MDGA2: variants seen among roughly 807,000 people sequenced by gnomAD.
The protein encoded by MDGA2 is MAM domain containing glycosylphosphatidylinositol anchor 2.
MDGA2 carries 40 observed loss-of-function variants against 117.8 expected under a neutral mutation model. The observed-to-expected ratio is 0.34, with a 90% CI of 0.26 to 0.44. The LOEUF is 0.44. MDGA2 is among the 20% of genes least tolerant of loss of function. MDGA2 has a pLI of 1.00. For missense variants in MDGA2, 1,123 were observed against 1,250.6 expected (o/e 0.90, Z 1.54); for synonymous variants, 452 against 439.0 (o/e 1.03, Z -0.37).
intron 2 of MDGA2, among the ~76,000 whole-genome samples, chr14:47,220,876 T>C (rs973464883): frequency 2.0e-5 from 3 of 152,184 alleles, no homozygotes; most frequent in East Asian, 3.9e-4. Flanking sequence ...AAGAGCTCAT[T>C]TGTGTGAAAT....
At chr14:47,380,881 T>C (rs1340688067) in intron 1 of MDGA2, among the ~76,000 whole-genome samples, 1 of 152,120 alleles carries the variant, frequency 6.6e-6, no homozygotes, top group African/African-American at 2.4e-5. Context: ...ATCATCCTGA[T>C]ACCAAAGCCT....
At chr14:47,330,078 A>G (rs1890250663) in intron 1 of MDGA2, among the ~76,000 whole-genome samples, 1 of 151,674 alleles carries the variant, frequency 6.6e-6, no homozygotes, top group Admixed American at 6.6e-5. Flanking sequence ...AACAATTTAA[A>G]AGGAAGAACT....
At chr14:47,225,193 AACACTTTT>A (rs1331515743) in intron 2 of MDGA2, among the ~76,000 whole-genome samples, 1 of 152,080 alleles carries the variant, frequency 6.6e-6, no homozygotes, top group Non-Finnish European at 1.5e-5. Flanking sequence ...GAGAAATAGG[AACACTTTT>A]ACACTGTTGG....
intron 1 of MDGA2, among the ~76,000 whole-genome samples, chr14:47,549,418 G>C (rs1256183184): frequency 6.8e-6 from 1 of 148,046 alleles, no homozygotes; most frequent in East Asian, 2.1e-4. Context: ...ATTCCAGTGT[G>C]GTTCTCTCAT....
In MDGA2 at chr14:47,532,115, ACT is replaced by A. The variant is rs545920869; in HGVS notation, c.280+142400_280+142401del. Among the ~76,000 whole-genome samples, 73 of 152,202 alleles carry A rather than the reference ACT, an allele frequency of 4.8e-4. 1 individual carries two copies. Among genetic ancestry groups the A allele is most frequent in the African/African-American group, 1.7e-3 (72 of 41,528 alleles). On this transcript the variant is annotated intron_variant, in intron 1 of 16. Transcript: ENST00000399232. ...CAAAGTGAGGGGAGATGAGCTACAG[ACT>A]CTTATAATTGCATCAAACAGCAGTC...
chr14:47,373,378 C>T (rs979614331), intron 1 of MDGA2, among the ~76,000 whole-genome samples: 1 of 151,932 alleles, frequency 6.6e-6, no homozygotes, highest in African/African-American at 2.4e-5. Context: ...CATTAACAAA[C>T]ATTCATATCA....
chr14:46,981,679 T>C (rs1001793126), intron 8 of MDGA2, among the ~76,000 whole-genome samples: 7 of 152,164 alleles, frequency 4.6e-5, no homozygotes, highest in African/African-American at 1.4e-4. Flanking sequence ...AGCGCATCAC[T>C]GTAAGATGAA....
chr14:47,653,779 C>G (rs1897689702), intron 1 of MDGA2, among the ~76,000 whole-genome samples: 1 of 152,042 alleles, frequency 6.6e-6, no homozygotes, highest in Admixed American at 6.6e-5. Flanking sequence ...CAGAGGGAGA[C>G]AGGACTATGG....
At chr14:46,994,886 G>A (rs567914747) in intron 8 of MDGA2, among the ~76,000 whole-genome samples, 2 of 152,064 alleles carry the variant, frequency 1.3e-5, no homozygotes, top group Admixed American at 1.3e-4. Context: ...AAAACACAAA[G>A]GATAGCTCCT....
intron 1 of MDGA2, among the ~76,000 whole-genome samples, chr14:47,407,833 T>C (rs1892289649): frequency 6.6e-6 from 1 of 152,142 alleles, no homozygotes; most frequent in African/African-American, 2.4e-5. Flanking sequence ...AGACACCGAA[T>C]ACATTAGTTA....
intron 1 of MDGA2, among the ~76,000 whole-genome samples, chr14:47,648,521 G>A (rs1360728435): frequency 2.0e-5 from 3 of 151,900 alleles, no homozygotes; most frequent in African/African-American, 4.8e-5. Context: ...CTCAAAGAAC[G>A]ATCGTAATCA....
chr14:46,989,414 T>C (rs994402046), intron 8 of MDGA2, among the ~76,000 whole-genome samples: 5 of 152,120 alleles, frequency 3.3e-5, no homozygotes, highest in African/African-American at 1.2e-4. Flanking sequence ...CAGGTACATT[T>C]AAACACAAAG....
intron 3 of MDGA2, among the ~76,000 whole-genome samples, chr14:47,193,642 G>A (rs1019007890): frequency 8.5e-5 from 13 of 152,086 alleles, no homozygotes; most frequent in African/African-American, 2.9e-4. Context: ...TCTCATATTA[G>A]CAGACAGAAA....
intron 3 of MDGA2, among the ~76,000 whole-genome samples, chr14:47,153,620 C>G (rs748651367): frequency 4.7e-5 from 7 of 148,038 alleles, no homozygotes; most frequent in Non-Finnish European, 8.9e-5. Flanking sequence ...ATGGACCACT[C>G]AAGGAATATG....
intron 9 of MDGA2, among the ~76,000 whole-genome samples, chr14:46,942,694 ATT>A (rs1885041200): frequency 6.6e-6 from 1 of 152,088 alleles, no homozygotes; most frequent in African/African-American, 2.4e-5. Flanking sequence ...TTCACTCGAC[ATT>A]GTTTTTGAAA....
chr14:47,275,730 T>A (rs960342011), intron 2 of MDGA2, among the ~76,000 whole-genome samples: 1 of 152,166 alleles, frequency 6.6e-6, no homozygotes, highest in African/African-American at 2.4e-5. Context: ...TTTTTAAACA[T>A]GAAGTGTTTT....
intron 1 of MDGA2, among the ~76,000 whole-genome samples, chr14:47,614,622 A>T (rs911425102): frequency 3.9e-5 from 6 of 152,242 alleles, no homozygotes; most frequent in Non-Finnish European, 5.9e-5. Flanking sequence ...TAGAGATTTT[A>T]AAAAGGCCAA....
chr14:47,185,063 A>G lies in MDGA2; in HGVS notation c.595+32958T>C, dbSNP rs138322252. Among the ~76,000 whole-genome samples, 158 of 151,324 alleles carry G rather than the reference A, an allele frequency of 1.0e-3. 3 individuals are homozygous for G. In the East Asian group the frequency reaches 0.02, roughly 19 times the overall value. Reference sequence around the variant, plus strand: ...TGTTTAACTTGATAATAAAAGATAAACATTTGCTTTTCAAAATGTCTAATT... The same window carrying G: ...TGTTTAACTTGATAATAAAAGATAAGCATTTGCTTTTCAAAATGTCTAATT... On this transcript the variant is annotated intron_variant, in intron 3 of 16. Coordinates refer to ENST00000399232, the MANE Select transcript of MDGA2 (RefSeq NM_001113498.3).
At chr14:47,133,607 A>G (rs368730398) in intron 4 of MDGA2, among the ~76,000 whole-genome samples, 8 of 151,918 alleles carry the variant, frequency 5.3e-5, no homozygotes, top group African/African-American at 1.9e-4. Context: ...CATTTCCAGA[A>G]TTCTCCCTTA....
Sources: gnomAD v4.1 joint callset for allele counts (sites outside exome capture counted in the v4.1 genomes callset) on GRCh38, gnomAD v4.1.1 for gene constraint, MANE v1.5 for transcripts, NCBI Gene and HGNC (gene_info 2026-07-23, HGNC 2026-07-21) for gene names.